Variants in ATRNL1 observed in about 807,000 individuals in gnomAD.
The protein encoded by ATRNL1 is attractin like 1, also known as attractin-like protein 1.
ATRNL1 carries 95 observed loss-of-function variants against 182.7 expected under a neutral mutation model. The ratio of observed to expected loss-of-function variants is 0.52; its 90% CI spans 0.44 to 0.62. The LOEUF (loss-of-function observed/expected upper bound fraction) is 0.62, where lower values mean the gene tolerates loss of function less well. Ranked by LOEUF, ATRNL1 falls within the 20% of genes least tolerant of loss-of-function variation. ATRNL1 has a pLI of 0.00. For synonymous variants in ATRNL1, 576 were observed against 568.3 expected, an observed-to-expected ratio of 1.01 and a Z score of -0.19; for missense variants, 1,471 against 1,679.5, an observed-to-expected ratio of 0.88 and a Z score of 2.17.
At chr10:115,247,881 G>A (rs577486917) in intron 10 of ATRNL1, among the ~76,000 whole-genome samples, 1 of 152,276 alleles carries the variant, frequency 6.6e-6, no homozygotes, top group South Asian at 2.1e-4. Context: ...AACATGGATG[G>A]AACTGGAAGA....
chr10:115,700,607 G>T (rs964590391), intron 26 of ATRNL1, among the ~76,000 whole-genome samples: 1 of 151,836 alleles, frequency 6.6e-6, no homozygotes. Flanking sequence ...GACCTTTATT[G>T]GCTGCATAGC....
intron 28 of ATRNL1, among the ~76,000 whole-genome samples, chr10:115,867,620 T>G (rs1951468257): frequency 6.6e-6 from 1 of 152,172 alleles, no homozygotes; most frequent in Admixed American, 6.5e-5. Flanking sequence ...CTTGTGCCGC[T>G]TCCATCTTAT....
At chr10:115,780,533 T>C (rs1949239208) in intron 27 of ATRNL1, among the ~76,000 whole-genome samples, 1 of 152,106 alleles carries the variant, frequency 6.6e-6, no homozygotes, top group Non-Finnish European at 1.5e-5. Flanking sequence ...GAAGAGCTCA[T>C]GGCAACAAAA....
intron 26 of ATRNL1, among the ~76,000 whole-genome samples, chr10:115,550,686 A>G (rs1197715856): frequency 2.0e-5 from 3 of 151,848 alleles, no homozygotes; most frequent in Non-Finnish European, 3.0e-5. Flanking sequence ...ATATAAATAT[A>G]TAACTATTAG....
chr10:115,308,357 T>G (rs1306249073), intron 17 of ATRNL1, among the ~76,000 whole-genome samples: 1 of 152,104 alleles, frequency 6.6e-6, no homozygotes, highest in Non-Finnish European at 1.5e-5. Context: ...TAGTCCCAAA[T>G]GTATAAAGGT....
At chr10:115,441,168 C>T (rs1184865646) in intron 21 of ATRNL1, among the ~76,000 whole-genome samples, 1 of 151,884 alleles carries the variant, frequency 6.6e-6, no homozygotes, top group East Asian at 1.9e-4. Context: ...TCTTCCATTT[C>T]TGCTTTATCA....
intron 25 of ATRNL1, among the ~76,000 whole-genome samples, chr10:115,519,667 C>A (rs1850817698): frequency 1.3e-5 from 2 of 152,024 alleles, no homozygotes. Flanking sequence ...AGAACTAAAC[C>A]AATTTGTTTA....
intron 10 of ATRNL1, among the ~76,000 whole-genome samples, chr10:115,253,111 A>G (rs1256949917): frequency 1.3e-5 from 2 of 152,194 alleles, no homozygotes; most frequent in Non-Finnish European, 2.9e-5. Context: ...ACTCTGAGGT[A>G]GAGTTTAGTA....
chr10:115,867,730 A>ATTTTTTTTTTTTTTTTT (rs59623583), intron 28 of ATRNL1, among the ~76,000 whole-genome samples: 2 of 138,078 alleles, frequency 1.4e-5, no homozygotes, highest in Non-Finnish European at 3.1e-5. Context: ...CACCCTGTGA[A>ATTTTTTTTTTTTTTTTT]TTTTTTTTTT....
Position 115,815,808 on chromosome 10 carries a change from A to G in ATRNL1, c.3904-32069A>G, listed in dbSNP as rs1950151123. ...AAAGGCTGGAAAATAAGAAAATAGTAGAACCCTGAATATATGCTATACATT... is the reference window on the plus strand; with the variant it reads ...AAAGGCTGGAAAATAAGAAAATAGTGGAACCCTGAATATATGCTATACATT... On this transcript the variant is annotated intron_variant, in intron 27 of 28. Coordinates refer to ENST00000355044, the MANE Select transcript of ATRNL1 (RefSeq NM_207303.4). 2.0e-5 allele frequency among the ~76,000 whole-genome samples: 3 copies of G among 152,178 alleles called. No homozygotes were observed. The South Asian group carries it at 6.2e-4, about 32-fold the overall frequency.
intron 27 of ATRNL1, among the ~76,000 whole-genome samples, chr10:115,805,897 C>T (rs1225858593): frequency 6.6e-6 from 1 of 152,042 alleles, no homozygotes; most frequent in Non-Finnish European, 1.5e-5. Flanking sequence ...TATCCACTTA[C>T]CTAACACTTT....
intron 28 of ATRNL1, among the ~76,000 whole-genome samples, chr10:115,854,616 AT>A (rs1951137136): frequency 6.6e-6 from 1 of 152,138 alleles, no homozygotes; most frequent in Non-Finnish European, 1.5e-5. Context: ...TCCCGTTCAG[AT>A]GTAAAGTGAG....
intron 26 of ATRNL1, among the ~76,000 whole-genome samples, chr10:115,589,470 A>AT (rs1304475759): frequency 6.6e-6 from 1 of 152,176 alleles, no homozygotes; most frequent in Non-Finnish European, 1.5e-5. Flanking sequence ...TATAGGAACT[A>AT]TATTTCAGTA....
intron 9 of ATRNL1, among the ~76,000 whole-genome samples, chr10:115,239,206 A>T (rs1850307171): frequency 6.6e-6 from 1 of 151,960 alleles, no homozygotes; most frequent in African/African-American, 2.4e-5. Context: ...TGTAAAGAAA[A>T]ATTAGAGACT....
At chr10:115,295,225 G>A (rs1384998369) in intron 15 of ATRNL1, among the ~76,000 whole-genome samples, 1 of 152,128 alleles carries the variant, frequency 6.6e-6, no homozygotes, top group Non-Finnish European at 1.5e-5. Context: ...CTGTCCTGGG[G>A]GCTTGCTTGC....
In ATRNL1 at chr10:115,717,593, CT is replaced by C. The variant is rs1555056655; in HGVS notation, c.3796-9654del. ...TTGAGATGGAGTCTCGCTCTGTCACCTGGGCTAGAGTGCAGTGGTGCAATCT... is the reference window on the plus strand; with the variant it reads ...TTGAGATGGAGTCTCGCTCTGTCACCGGGCTAGAGTGCAGTGGTGCAATCT... On this transcript the variant is annotated intron_variant, in intron 26 of 28. Coordinates refer to ENST00000355044, the MANE Select transcript of ATRNL1 (RefSeq NM_207303.4). 5.0e-5 allele frequency among the ~76,000 whole-genome samples: 7 copies of C among 139,604 alleles called. 1 individual carries two copies. In the South Asian group the frequency reaches 1.6e-3, roughly 33 times the overall value. 91.6% of individuals were successfully genotyped at this position (139,604 alleles called of 152,430 possible). A position where few individuals can be genotyped will look rare whatever the true frequency, so the allele number is the denominator to read the frequency against.
chr10:115,163,561 C>T (rs1248491145), intron 6 of ATRNL1, among the ~76,000 whole-genome samples: 1 of 151,698 alleles, frequency 6.6e-6, no homozygotes, highest in African/African-American at 2.4e-5. Flanking sequence ...GGCGGGGTCT[C>T]CCTATATTGC....
rs1850797309 is a variant in ATRNL1, at chr10:115,519,294, A to C, written c.3686A>C (p.Asp1229Ala). The change falls in exon 25 of 29, where the codon GAC becomes GCC. Residue 1229 changes from aspartate (D) to alanine (A), a missense_variant. Physicochemically the swap from Asp to Ala is moderately radical, Grantham distance 126. This residue lies in a region of ATRNL1 where 437 missense variants were observed against 506.0 expected (regional missense o/e 0.86). Transcript: ENST00000355044. ...IAFSQHNTIM[D>A]LVQFFVTFFS... ...TTCTCACAACACAATACAATCATGG[A>C]CCTTGTGCAGTTTTTTGTCACCTTC... The C allele has an allele frequency of 1.2e-6, 2 of 1,610,248 alleles. No individual in the cohort carries two copies. The highest frequency in any genetic ancestry group is 2.2e-5 in the South Asian group (2 of 90,274).
chr10:115,587,013 G>C (rs572489168), intron 26 of ATRNL1, among the ~76,000 whole-genome samples: 1 of 148,108 alleles, frequency 6.8e-6, no homozygotes, highest in African/African-American at 2.5e-5. Flanking sequence ...ATACCTGGCC[G>C]TGTGAGGTGT....
Sources: gnomAD v4.1 joint callset for allele counts (sites outside exome capture counted in the v4.1 genomes callset) on GRCh38, gnomAD v4.1.1 for gene constraint, gnomAD v4.1.1 regional missense constraint, MANE v1.5 for transcripts, NCBI Gene and HGNC (gene_info 2026-07-23, HGNC 2026-07-21) for gene names.